The following FMNL2 variants were observed in gnomAD, a reference collection of about 807,000 sequenced individuals.
FMNL2 encodes formin-like protein 2.
Under a neutral mutation model 130.2 loss-of-function variants are expected in FMNL2, and 51 were observed. That is an observed-to-expected ratio of 0.39 (90% confidence interval 0.31 to 0.49). The LOEUF is 0.49. Ranked by LOEUF, FMNL2 falls within the 20% of genes least tolerant of loss-of-function variation. The pLI is 0.85. For synonymous variants in FMNL2, 465 were observed against 467.1 expected (o/e 1.00, Z 0.06); for missense variants, 977 against 1,316.2 (o/e 0.74, Z 3.99).
chr2:152,420,147 T>G (rs1686832212), intron 1 of FMNL2, among the ~76,000 whole-genome samples: 1 of 152,172 alleles, frequency 6.6e-6, no homozygotes, highest in Non-Finnish European at 1.5e-5. Flanking sequence ...ACTACCCCAT[T>G]AACAGAGATT....
chr2:152,343,300 T>G (rs1681916905), intron 1 of FMNL2, among the ~76,000 whole-genome samples: 1 of 140,012 alleles, frequency 7.1e-6, no homozygotes, highest in Admixed American at 7.5e-5. Flanking sequence ...AAATAGTTCA[T>G]ATTTTTTTGT....
At chr2:152,546,185 G>A (rs1694621729) in intron 3 of FMNL2, among the ~76,000 whole-genome samples, 1 of 152,138 alleles carries the variant, frequency 6.6e-6, no homozygotes, top group African/African-American at 2.4e-5. Flanking sequence ...TTAGGGGCTG[G>A]GTGTTAGTTC....
intron 1 of FMNL2, among the ~76,000 whole-genome samples, chr2:152,427,975 A>G (rs1167728035): frequency 6.6e-6 from 1 of 152,234 alleles, no homozygotes; most frequent in Non-Finnish European, 1.5e-5. Context: ...GTACTGTGCT[A>G]TACCTTGCCT....
At chr2:152,595,647 C>A (rs985656415) in intron 9 of FMNL2, among the ~76,000 whole-genome samples, 2 of 152,078 alleles carry the variant, frequency 1.3e-5, no homozygotes, top group Non-Finnish European at 2.9e-5. Flanking sequence ...TGGTGTCAGG[C>A]GTCCCAGACA....
Position 152,542,757 on chromosome 2 carries a change from A to G in FMNL2, c.220A>G (p.Asn74Asp). The change falls in exon 3 of 26, where the codon AAT (asparagine) becomes GAT (aspartate). Residue 74 changes from asparagine (N) to aspartate (D), a missense_variant. By Grantham distance (23) the Asn-to-Asp change is conservative. Coordinates refer to ENST00000288670, the MANE Select transcript of FMNL2 (RefSeq NM_052905.4). ...ICDQERFQVKNPPHTYIQKLK... is the reference protein window; with the variant it reads ...ICDQERFQVKDPPHTYIQKLK... ...TCTGCAGGAACGATTCCAGGTGAAG[A>G]ATCCTCCCCATACATACATTCAAAA... 6.2e-7 allele frequency: 1 copy of G among 1,614,066 alleles called. No homozygotes were observed. Among genetic ancestry groups the G allele is most frequent in the Non-Finnish European group, 8.5e-7 (1 of 1,179,922 alleles).
intron 1 of FMNL2, among the ~76,000 whole-genome samples, chr2:152,409,514 G>A (rs1305559962): frequency 6.6e-6 from 1 of 152,188 alleles, no homozygotes; most frequent in Admixed American, 6.5e-5. Context: ...AGGAGTGTGA[G>A]TGAGGTCATG....
intron 1 of FMNL2, among the ~76,000 whole-genome samples, chr2:152,500,154 G>A (rs1691734630): frequency 6.6e-6 from 1 of 152,116 alleles, no homozygotes; most frequent in Non-Finnish European, 1.5e-5. Context: ...AAGAGAACAT[G>A]TTGTTATAGG....
intron 1 of FMNL2, among the ~76,000 whole-genome samples, chr2:152,501,651 T>C (rs1477265899): frequency 1.3e-5 from 2 of 152,146 alleles, no homozygotes; most frequent in African/African-American, 4.8e-5. Flanking sequence ...CTGATTGTGT[T>C]CCTGGCTTTA....
In FMNL2 at chr2:152,582,515, G is replaced by A. The variant is rs1019083572; in HGVS notation, c.876+1466G>A. 1.3e-4 allele frequency among the ~76,000 whole-genome samples: 19 copies of A among 151,850 alleles called. No homozygotes were observed. The East Asian group carries it at 3.7e-3, about 29-fold the overall frequency. On this transcript the variant is annotated intron_variant, in intron 9 of 25. Transcript: ENST00000288670. ...TTATCTTTTTTTTTCTTTCTATTGAGCCCCAAAGATAGTGAAAAAATATCC... is the reference window on the plus strand; with the variant it reads ...TTATCTTTTTTTTTCTTTCTATTGAACCCCAAAGATAGTGAAAAAATATCC...
intron 1 of FMNL2, among the ~76,000 whole-genome samples, chr2:152,339,861 A>T (rs1232428738): frequency 3.3e-5 from 5 of 152,126 alleles, no homozygotes; most frequent in Non-Finnish European, 7.4e-5. Flanking sequence ...AACTAATGCT[A>T]TCAGCAATAC....
intron 1 of FMNL2, among the ~76,000 whole-genome samples, chr2:152,520,331 C>T (rs192663606): frequency 3.0e-3 from 460 of 152,162 alleles, no homozygotes; most frequent in Non-Finnish European, 4.5e-3. Context: ...TGGTGGCTCA[C>T]GCCTGTAATC....
intron 16 of FMNL2, among the ~76,000 whole-genome samples, chr2:152,626,149 G>C (rs772805441): frequency 3.3e-5 from 5 of 152,040 alleles, no homozygotes; most frequent in Non-Finnish European, 7.4e-5. Context: ...GCAATTCTCT[G>C]GCTTAGCCTC....
chr2:152,502,810 G>A (rs768563854), intron 1 of FMNL2, among the ~76,000 whole-genome samples: 1 of 152,292 alleles, frequency 6.6e-6, no homozygotes, highest in South Asian at 2.1e-4. Flanking sequence ...GAAAGGGAGC[G>A]AGTTCTTGTA....
At chr2:152,399,419 C>T (rs532554956) in intron 1 of FMNL2, among the ~76,000 whole-genome samples, 4 of 152,184 alleles carry the variant, frequency 2.6e-5, no homozygotes, top group African/African-American at 9.6e-5. Context: ...TCCCTCTGGA[C>T]GTGGGTGAGG....
intron 1 of FMNL2, among the ~76,000 whole-genome samples, chr2:152,364,710 T>C (rs1381719342): frequency 6.6e-6 from 1 of 152,232 alleles, no homozygotes; most frequent in Non-Finnish European, 1.5e-5. Flanking sequence ...ATAAATAAGT[T>C]TCCTCAGTAA....
chr2:152,640,583 G>T (rs1023725705), intron 24 of FMNL2, among the ~76,000 whole-genome samples: 1 of 152,218 alleles, frequency 6.6e-6, no homozygotes, highest in Non-Finnish European at 1.5e-5. Flanking sequence ...TCTTGTTGCT[G>T]CCAGGTGAAG....
intron 20 of FMNL2, among the ~76,000 whole-genome samples, chr2:152,631,562 A>G (rs1359578766): frequency 6.6e-6 from 1 of 152,114 alleles, no homozygotes; most frequent in Admixed American, 6.6e-5. Context: ...TTCTCGGTCT[A>G]GGGTGGATGG....
chr2:152,371,918 C>G (rs1465456126), intron 1 of FMNL2, among the ~76,000 whole-genome samples: 1 of 152,106 alleles, frequency 6.6e-6, no homozygotes, highest in Non-Finnish European at 1.5e-5. Flanking sequence ...GCAAGAAAGC[C>G]CTCACCAGAT....
intron 1 of FMNL2, among the ~76,000 whole-genome samples, chr2:152,440,154 T>C (rs1687980706): frequency 6.6e-6 from 1 of 152,154 alleles, no homozygotes; most frequent in Non-Finnish European, 1.5e-5. Flanking sequence ...CAGGTCTCGC[T>C]ATGTTGCCCA....
Sources: allele counts gnomAD v4.1 joint callset (sites outside exome capture counted in the v4.1 genomes callset), GRCh38; gene constraint gnomAD v4.1.1; transcripts MANE v1.5; gene names NCBI Gene and HGNC (gene_info 2026-07-23, HGNC 2026-07-21).